NRG3: variants seen among roughly 807,000 people sequenced by gnomAD.
NRG3 encodes pro-neuregulin-3, membrane-bound isoform.
Under a neutral mutation model 66.9 loss-of-function variants are expected in NRG3, and 31 were observed. The observed-to-expected ratio is 0.46, with a 90% CI of 0.35 to 0.63. NRG3 has a LOEUF of 0.63. Ranked by LOEUF, NRG3 falls within the 20% of genes least tolerant of loss-of-function variation. The pLI, the probability that NRG3 is intolerant of heterozygous loss-of-function variation, is 0.00. For synonymous variants in NRG3, 393 were observed against 359.4 expected (o/e 1.09, Z -1.06); for missense variants, 910 against 878.9 (o/e 1.04, Z -0.45).
In NRG3 at chr10:82,225,940, C is replaced by T. The variant is rs188353829; in HGVS notation, c.824-132799C>T. On this transcript the variant is annotated intron_variant, in intron 1 of 8. Transcript: ENST00000372141. ...TCATTTAGTAAGCTCTCTCCATACC[C>T]GTTTCTTCTACGTTATTAATTTTCT... Among the ~76,000 whole-genome samples the T allele has an allele frequency of 1.7e-4, 26 of 152,182 alleles. No homozygotes were observed. The East Asian group carries it at 3.9e-3, about 23-fold the overall frequency.
chr10:82,101,103 T>C (rs762141250), intron 1 of NRG3, among the ~76,000 whole-genome samples: 6 of 151,944 alleles, frequency 3.9e-5, no homozygotes, highest in Non-Finnish European at 7.4e-5. Context: ...ATTTCCTCTA[T>C]AGACACAGAC....
chr10:81,923,952 A>G (rs1229592788), intron 1 of NRG3, among the ~76,000 whole-genome samples: 2 of 152,182 alleles, frequency 1.3e-5, no homozygotes, highest in African/African-American at 4.8e-5. Flanking sequence ...TTAGGCCAGC[A>G]GTCTTGTTGT....
At chr10:82,604,047 C>G (rs1015164758) in intron 2 of NRG3, among the ~76,000 whole-genome samples, 1 of 152,006 alleles carries the variant, frequency 6.6e-6, no homozygotes, top group African/African-American at 2.4e-5. Flanking sequence ...AATATAAAAA[C>G]ACTATTTTTA....
At chr10:82,351,172 G>A (rs1003344126) in intron 1 of NRG3, among the ~76,000 whole-genome samples, 1 of 152,184 alleles carries the variant, frequency 6.6e-6, no homozygotes, top group Non-Finnish European at 1.5e-5. Flanking sequence ...GGGATTACAG[G>A]CGTGAGCCAC....
chr10:82,620,613 G>T (rs557963413), intron 2 of NRG3, among the ~76,000 whole-genome samples: 1 of 152,138 alleles, frequency 6.6e-6, no homozygotes, highest in Non-Finnish European at 1.5e-5. Flanking sequence ...GGCAGAACAG[G>T]CTGTAGATAG....
intron 1 of NRG3, among the ~76,000 whole-genome samples, chr10:82,188,615 T>G (rs1471414574): frequency 6.6e-6 from 1 of 152,086 alleles, no homozygotes; most frequent in African/African-American, 2.4e-5. Context: ...AAAAAATATC[T>G]AATAATCTGG....
At chr10:81,909,601 G>A (rs1319141970) in intron 1 of NRG3, among the ~76,000 whole-genome samples, 1 of 152,174 alleles carries the variant, frequency 6.6e-6, no homozygotes. Flanking sequence ...CTTGGCACAT[G>A]CATCACTACA....
At chr10:82,167,805 A>G (rs972760817) in intron 1 of NRG3, among the ~76,000 whole-genome samples, 3 of 152,112 alleles carry the variant, frequency 2.0e-5, no homozygotes, top group Admixed American at 6.6e-5. Context: ...CTCCAAATAC[A>G]TAAAGATTAT....
At position 82,212,805 on chromosome 10, in the gene NRG3, A is replaced by G. The variant is rs542868420; in HGVS notation, c.824-145934A>G. On this transcript the variant is annotated intron_variant, in intron 1 of 8. Coordinates refer to ENST00000372141, the MANE Select transcript of NRG3 (RefSeq NM_001010848.4). Reference sequence around the variant, plus strand: ...TTCAGTCTCTATAAATTATATATGCATGGCAGATGTAACATCTGATGTGCA... The same window carrying G: ...TTCAGTCTCTATAAATTATATATGCGTGGCAGATGTAACATCTGATGTGCA... Among the ~76,000 whole-genome samples the G allele has an allele frequency of 9.1e-4, 138 of 152,332 alleles. 1 individual carries two copies. The highest frequency in any genetic ancestry group is 3.4e-3 in the Middle Eastern group (1 of 294).
intron 4 of NRG3, among the ~76,000 whole-genome samples, chr10:82,926,087 G>A (rs1159626686): frequency 2.0e-5 from 3 of 152,156 alleles, no homozygotes; most frequent in Non-Finnish European, 4.4e-5. Flanking sequence ...TGCATCCATG[G>A]ATTCAACCAA....
intron 2 of NRG3, among the ~76,000 whole-genome samples, chr10:82,359,676 G>A (rs1246846912): frequency 6.6e-6 from 1 of 151,990 alleles, no homozygotes; most frequent in Non-Finnish European, 1.5e-5. Flanking sequence ...GTTTTTCTTT[G>A]CAATTGTGTA....
chr10:81,951,630 G>A (rs1849363535), intron 1 of NRG3, among the ~76,000 whole-genome samples: 1 of 152,132 alleles, frequency 6.6e-6, no homozygotes, highest in African/African-American at 2.4e-5. Flanking sequence ...AGCATGAAAT[G>A]GCTCTGTTGT....
rs553665059 is a variant in NRG3 at position 82,189,681 on chromosome 10, T to C, written c.824-169058T>C. Among the ~76,000 whole-genome samples, 55 of 152,108 alleles carry C rather than the reference T, an allele frequency of 3.6e-4. No homozygotes were observed. In the South Asian group the frequency reaches 0.011, roughly 32 times the overall value. Reference sequence around the variant, plus strand: ...GGCATGCTCTTGTAATCCCAGCTACTTGGGAGGCTTAGGTAGGAGAATCGC... The same window carrying C: ...GGCATGCTCTTGTAATCCCAGCTACCTGGGAGGCTTAGGTAGGAGAATCGC... On this transcript the variant is annotated intron_variant, in intron 1 of 8. Transcript: ENST00000372141.
chr10:82,764,310 C>T (rs748019862), intron 3 of NRG3, among the ~76,000 whole-genome samples: 3 of 151,932 alleles, frequency 2.0e-5, no homozygotes, highest in Non-Finnish European at 2.9e-5. Flanking sequence ...GCTTGGATTA[C>T]AGGTGTGAGC....
At chr10:82,141,160 G>A (rs1358836250) in intron 1 of NRG3, among the ~76,000 whole-genome samples, 1 of 152,118 alleles carries the variant, frequency 6.6e-6, no homozygotes, top group East Asian at 1.9e-4. Context: ...CATATAGGTA[G>A]ACATTACTGT....
intron 1 of NRG3, among the ~76,000 whole-genome samples, chr10:81,950,626 C>T (rs1849267294): frequency 6.6e-6 from 1 of 152,158 alleles, no homozygotes; most frequent in African/African-American, 2.4e-5. Flanking sequence ...AAACTGCTGC[C>T]TTCAGATGGA....
intron 3 of NRG3, among the ~76,000 whole-genome samples, chr10:82,857,243 A>G (rs1345630707): frequency 6.6e-6 from 1 of 152,214 alleles, no homozygotes; most frequent in Non-Finnish European, 1.5e-5. Context: ...GCTTCTCCCC[A>G]TCCTTTGATA....
chr10:82,796,548 C>T (rs1433391153), intron 3 of NRG3, among the ~76,000 whole-genome samples: 1 of 151,754 alleles, frequency 6.6e-6, no homozygotes, highest in Non-Finnish European at 1.5e-5. Flanking sequence ...CAAATAGCTA[C>T]AATAGAAGCA....
chr10:82,558,613 T>A, intron 2 of NRG3, among the ~76,000 whole-genome samples: 1 of 152,000 alleles, frequency 6.6e-6, no homozygotes. Context: ...TGGGATAAAC[T>A]ATCTGAAGTC....
Sources: gnomAD v4.1 joint callset for allele counts (sites outside exome capture counted in the v4.1 genomes callset) on GRCh38, gnomAD v4.1.1 for gene constraint, MANE v1.5 for transcripts, NCBI Gene and HGNC (gene_info 2026-07-23, HGNC 2026-07-21) for gene names.